Variants in SPAST observed in about 807,000 individuals in gnomAD.
The protein encoded by SPAST is spastin, also known as spastic paraplegia 4 (autosomal dominant; spastin).
SPAST carries 30 observed loss-of-function variants against 76.6 expected under a neutral mutation model. That is an observed-to-expected ratio of 0.39 (90% CI 0.29 to 0.53). SPAST has a LOEUF of 0.53. SPAST is among the 20% of genes least tolerant of loss of function. SPAST has a pLI of 0.68. For missense variants in SPAST, 717 were observed against 770.5 expected (o/e 0.93, Z 0.82); for synonymous variants, 305 against 281.0 (o/e 1.09, Z -0.86).
At chr2:32,143,066 A>G (rs1363734686) in intron 13 of SPAST, among the ~76,000 whole-genome samples, 1 of 151,824 alleles carries the variant, frequency 6.6e-6, no homozygotes, top group East Asian at 1.9e-4. Flanking sequence ...GGAATTCAAG[A>G]CCAGCCTGGG....
At chr2:32,152,198 AATATC>A (rs1171167434) in intron 16 of SPAST, among the ~76,000 whole-genome samples, 1 of 152,188 alleles carries the variant, frequency 6.6e-6, no homozygotes, top group African/African-American at 2.4e-5. Context: ...CTTACGTTAA[AATATC>A]ATATAAGTTT....
chr2:32,124,754 C>G (rs914400107), intron 7 of SPAST, among the ~76,000 whole-genome samples: 4 of 152,018 alleles, frequency 2.6e-5, no homozygotes, highest in Non-Finnish European at 4.4e-5. Flanking sequence ...TATGGAGGAA[C>G]CATAAATGCA....
At chr2:32,125,612 A>C (rs538382531) in intron 7 of SPAST, among the ~76,000 whole-genome samples, 1 of 152,072 alleles carries the variant, frequency 6.6e-6, no homozygotes, top group South Asian at 2.1e-4. Flanking sequence ...TGTAGGTGAG[A>C]TGTTTTCAGT....
Position 32,157,230 on chromosome 2 carries a change from T to G in SPAST, c.*2734T>G, listed in dbSNP as rs1038736172. On this transcript the variant is annotated 3_prime_UTR_variant, in exon 17 of 17. Transcript: ENST00000315285. ...TAAAACTTACTGATATATTGGACTT[T>G]GAGCCAAGGGAAAGAATGAGTACTA... The G allele has an allele frequency of 1.3e-5, 2 of 152,630 alleles. No individual in the cohort carries two copies. The highest frequency in any genetic ancestry group is 2.9e-5 in the Non-Finnish European group (2 of 68,012). The allele number at this position is 152,630 out of a possible 1,614,324, so 9.5% of individuals were successfully genotyped here.
chr2:32,085,114 G>A (rs1028093134), intron 1 of SPAST, among the ~76,000 whole-genome samples: 11 of 151,212 alleles, frequency 7.3e-5, no homozygotes, highest in Admixed American at 5.9e-4. Context: ...ATGTAAACAG[G>A]TGTTTTCTTT....
chr2:32,070,806 T>G (rs1676719991), intron 1 of SPAST, among the ~76,000 whole-genome samples: 1 of 152,166 alleles, frequency 6.6e-6, no homozygotes, highest in African/African-American at 2.4e-5. Flanking sequence ...ATTTTTTAAT[T>G]TTTTGTAGAG....
At chr2:32,075,556 T>TTTC (rs1676925542) in intron 1 of SPAST, among the ~76,000 whole-genome samples, 1 of 137,044 alleles carries the variant, frequency 7.3e-6, no homozygotes, top group Non-Finnish European at 1.6e-5. Flanking sequence ...TCTTTTTTTT[T>TTTC]TTTTTTTTTT....
chr2:32,150,091 T>C (rs1443049025), intron 16 of SPAST, among the ~76,000 whole-genome samples: 1 of 150,290 alleles, frequency 6.7e-6, no homozygotes, highest in Non-Finnish European at 1.5e-5. Flanking sequence ...TTTTGTGAGA[T>C]GGAGTCTTGC....
At chr2:32,111,414 G>A (rs1355603477) in intron 4 of SPAST, among the ~76,000 whole-genome samples, 2 of 148,834 alleles carry the variant, frequency 1.3e-5, no homozygotes, top group African/African-American at 2.5e-5. Flanking sequence ...ATAGTATACT[G>A]TATAGTGTAT....
In SPAST at chr2:32,089,553, A is replaced by G. The variant is rs909877035; in HGVS notation, c.534A>G (p.Gln178=). The G allele has an allele frequency of 6.2e-7, 1 of 1,606,268 alleles. No individual in the cohort carries two copies. The highest frequency in any genetic ancestry group is 8.5e-7 in the Non-Finnish European group (1 of 1,173,000). The change falls in exon 3 of 17, where the codon CAA becomes CAG. Residue 178 remains glutamine (Q), a synonymous_variant. Coordinates refer to ENST00000315285, the MANE Select transcript of SPAST (RefSeq NM_014946.4). The part of the protein sequence containing the change: ...GEQCERARRL[Q]AKMMTNLVMA... ...AGTGTGAAAGAGCTAGACGCCTTCA[A>G]GCTAAAATGATGACTAATTTGGTTA...
At chr2:32,087,691 T>TTTA in intron 2 of SPAST, 113 bp downstream of exon 2, 9 of 333,478 alleles carry the variant, frequency 2.7e-5, no homozygotes, top group East Asian at 2.1e-4. Context: ...TTTCTTTTCT[T>TTTA]TTCTTTTTTT....
rs1362179686 is a variant in SPAST at position 32,098,845 on chromosome 2, T to C, written c.636T>C (p.Tyr212=). 1 of 1,613,950 alleles carries C rather than the reference T, an allele frequency of 6.2e-7. No individual in the cohort carries two copies. Among genetic ancestry groups the C allele is most frequent in the South Asian group, 1.1e-5 (1 of 91,080 alleles). ...LPFSKSQTDV[Y]NDSTNLACRN... ...TTTCCAAGTCACAAACGGACGTCTA[T>C]AATGACAGTACTAACTTGGCATGCC... Residue 212 remains tyrosine (Y), a synonymous_variant, in exon 4 of 17, where the codon TAT becomes TAC. Transcript: ENST00000315285.
At position 32,099,484 on chromosome 2, in the gene SPAST, A is replaced by G. The variant is rs369941184; in HGVS notation, c.682+593A>G. 7.9e-5 allele frequency among the ~76,000 whole-genome samples: 12 copies of G among 152,152 alleles called. No homozygotes were observed. The East Asian group carries it at 1.9e-3, about 24-fold the overall frequency. ...GTTTTCTTTGGGTAGGGGACTCTCC[A>G]TTTCTTAGGTTCTCTGACATCTGAG... On this transcript the variant is annotated intron_variant, in intron 4 of 16. Coordinates refer to ENST00000315285, the MANE Select transcript of SPAST (RefSeq NM_014946.4).
intron 9 of SPAST, among the ~76,000 whole-genome samples, chr2:32,135,783 A>G (rs112067196): frequency 0.014 from 2,123 of 152,286 alleles, 48 homozygotes; most frequent in African/African-American, 0.039. Flanking sequence ...TTAGTTGACT[A>G]TTTGTGAAAT....
intron 4 of SPAST, among the ~76,000 whole-genome samples, chr2:32,100,513 A>G (rs1228131762): frequency 1.3e-5 from 2 of 152,054 alleles, no homozygotes; most frequent in African/African-American, 2.4e-5. Context: ...CACAACATGC[A>G]GGTTTGTTAC....
chr2:32,111,976 G>GTAGTAGTAA (rs1246333854), intron 4 of SPAST, among the ~76,000 whole-genome samples: 1 of 138,162 alleles, frequency 7.2e-6, no homozygotes, highest in Non-Finnish European at 1.5e-5. Context: ...TAAGTTAGTA[G>GTAGTAGTAA]TAGTAGTAGT....
chr2:32,082,723 A>G (rs900190502), intron 1 of SPAST, among the ~76,000 whole-genome samples: 27 of 151,930 alleles, frequency 1.8e-4, no homozygotes, highest in African/African-American at 6.0e-4. Context: ...ATCTGTCCCT[A>G]TGGTTTTATC....
At chr2:32,077,823 C>T (rs115742501) in intron 1 of SPAST, 110 of 152,324 alleles carry the variant, frequency 7.2e-4, no homozygotes, top group African/African-American at 2.5e-3. Flanking sequence ...TCTGTTGTTT[C>T]TACAGTAACA....
rs1330471269 is a variant in SPAST at position 32,136,921 on chromosome 2, G to A, written c.1366G>A (p.Asp456Asn). Reference sequence around the variant, plus strand: ...GTGTGAAAGAAGAGAAGGGGAGCACGATGCTAGTAGACGCCTAAAAACTGA... The same window carrying A: ...GTGTGAAAGAAGAGAAGGGGAGCACAATGCTAGTAGACGCCTAAAAACTGA... ...LLCERREGEH[D>N]ASRRLKTEFL... The change falls in exon 11 of 17, where the codon GAT becomes AAT. Residue 456 changes from aspartate (D) to asparagine (N), a missense_variant. Asp to Asn is a conservative substitution (Grantham distance 23). Coordinates refer to ENST00000315285, the MANE Select transcript of SPAST (RefSeq NM_014946.4). 1.9e-6 allele frequency: 3 copies of A among 1,613,860 alleles called. No homozygotes were observed. Among genetic ancestry groups the A allele is most frequent in the East Asian group, 2.2e-5 (1 of 44,844 alleles).
Sources: gnomAD v4.1 joint callset for allele counts (sites outside exome capture counted in the v4.1 genomes callset) on GRCh38, gnomAD v4.1.1 for gene constraint, MANE v1.5 for transcripts, NCBI Gene and HGNC (gene_info 2026-07-23, HGNC 2026-07-21) for gene names.